Variants in MIDN observed in about 807,000 individuals in gnomAD.
MIDN encodes midnolin.
Under a neutral mutation model 46.1 loss-of-function variants are expected in MIDN, and 26 were observed. The observed-to-expected ratio is 0.56, with a 90% CI of 0.41 to 0.78. The LOEUF is 0.78. Ranked by LOEUF, MIDN falls within the 30% of genes least tolerant of loss-of-function variation. MIDN has a pLI of 0.00. For synonymous variants in MIDN, 432 were observed against 343.3 expected (o/e 1.26, Z -2.86); for missense variants, 850 against 771.8 (o/e 1.10, Z -1.20).
chr19:1,254,508 T>C lies in MIDN; in HGVS notation c.825+30T>C, dbSNP rs975128502. On this transcript the variant is annotated intron_variant, in intron 6 of 8. Coordinates refer to ENST00000682408, the MANE Select transcript of MIDN (RefSeq NM_001388306.1). ...GCCTGGGGAAGGGAAGGGTGACCCT[T>C]GGTTGGAATCCAAAGGGTGGGCCGT... 3 of 1,537,100 alleles carry C rather than the reference T, an allele frequency of 2.0e-6. No homozygotes were observed. In the African/African-American group the frequency reaches 4.1e-5, roughly 21 times the overall value.
chr19:1,253,322 G>A (rs1415057022), intron 4 of MIDN, among the ~76,000 whole-genome samples: 6 of 152,076 alleles, frequency 3.9e-5, no homozygotes, highest in East Asian at 3.9e-4. Context: ...AGAAGGTTAC[G>A]CCAGCTACTG....
chr19:1,255,458 G>A lies in MIDN; in HGVS notation c.1022G>A (p.Arg341Gln), dbSNP rs143719550. The change falls in exon 8 of 9, where the codon CGG (arginine) becomes CAG (glutamine). Residue 341 changes from arginine (R) to glutamine (Q), a missense_variant. By Grantham distance (43) the Arg-to-Gln change is conservative. Coordinates refer to ENST00000682408, the MANE Select transcript of MIDN (RefSeq NM_001388306.1). ...CCCAACTGCCAAGACAGCAGCGGGCGGCCGCGGCGTGACATCGGCACCATC... is the reference window on the plus strand; with the variant it reads ...CCCAACTGCCAAGACAGCAGCGGGCAGCCGCGGCGTGACATCGGCACCATC... ...LHPNCQDSSG[R>Q]PRRDIGTILQ... 656 of 1,604,072 alleles carry A rather than the reference G, an allele frequency of 4.1e-4. 1 individual carries two copies. The highest frequency in any genetic ancestry group is 5.6e-4 in the Admixed American group (33 of 59,116).
Position 1,254,498 on chromosome 19 carries a change from G to A in MIDN, c.825+20G>A, listed in dbSNP as rs1373370324. 33 of 1,540,694 alleles carry A rather than the reference G, an allele frequency of 2.1e-5. No homozygotes were observed. Among genetic ancestry groups the A allele is most frequent in the Non-Finnish European group, 2.5e-5 (29 of 1,149,420 alleles). On this transcript the variant is annotated intron_variant, in intron 6 of 8. Transcript: ENST00000682408. ...CCGGAGGTGAGCCTGGGGAAGGGAAGGGTGACCCTTGGTTGGAATCCAAAG... is the reference window on the plus strand; with the variant it reads ...CCGGAGGTGAGCCTGGGGAAGGGAAAGGTGACCCTTGGTTGGAATCCAAAG...
rs981063345 is a variant in MIDN, at chr19:1,256,856, G to C, written c.1259-139G>C. 3.1e-6 allele frequency: 4 copies of C among 1,294,006 alleles called. No homozygotes were observed. In the African/African-American group the frequency reaches 6.0e-5, roughly 19 times the overall value. The allele number at this position is 1,294,006 out of a possible 1,614,324, so 80.2% of individuals were successfully genotyped here. On this transcript the variant is annotated intron_variant, in intron 8 of 8. Transcript: ENST00000682408. The stretch of plus-strand genomic sequence containing the variant: ...TGTGCCCGGCATGGTGGATGTCCTT[G>C]ACTGTTTCCTTTGCTGACCTCCCTC...
chr19:1,255,553 C>G lies in MIDN; in HGVS notation c.1117C>G (p.Leu373Val). The G allele has an allele frequency of 1.9e-6, 3 of 1,611,892 alleles. No individual in the cohort carries two copies. The East Asian group carries it at 6.7e-5, about 36-fold the overall frequency. ...GGGCATGCCCCCTTCGCTGGCCCAG[C>G]TCCGCTGCCACGCCCAGTGCTCCCC... ...YQGMPPSLAQ[L>V]RCHAQCSPAS... is the part of the protein sequence containing the mutation. Residue 373 changes from leucine to valine, a missense_variant, in exon 8 of 9, where the codon CTC becomes GTC. Coordinates refer to ENST00000682408, the MANE Select transcript of MIDN (RefSeq NM_001388306.1).
intron 6 of MIDN, 99 bp from the exon 7 acceptor site, chr19:1,254,803 C>T (rs1461411325): frequency 2.2e-6 from 3 of 1,366,688 alleles, no homozygotes; most frequent in African/African-American, 1.5e-5. Flanking sequence ...GTTGACAGGT[C>T]ATCTCCTGAC....
chr19:1,250,444 G>C lies in MIDN; in HGVS notation c.148G>C (p.Asp50His). Residue 50 changes from aspartate to histidine, a missense_variant, in exon 2 of 9, where the codon GAC becomes CAC. Coordinates refer to ENST00000682408, the MANE Select transcript of MIDN (RefSeq NM_001388306.1). ...GTRYDLAVPP[D>H]ETVEGLRKRL... is the part of the protein sequence containing the mutation. ...CCGCTACGACCTGGCCGTGCCGCCC[G>C]ACGAGACGGTGGAGGGGCTGCGCAA... is the stretch of plus-strand genomic sequence containing the variant. The C allele has an allele frequency of 3.6e-6, 5 of 1,388,782 alleles. No homozygotes were observed. The highest frequency in any genetic ancestry group is 3.8e-6 in the Non-Finnish European group (4 of 1,049,364). 86.0% of individuals were successfully genotyped at this position (1,388,782 alleles called of 1,614,324 possible). A position where few individuals can be genotyped will look rare whatever the true frequency, so the allele number is the denominator to read the frequency against.
At chr19:1,252,072 A>G (rs1055955021) in intron 4 of MIDN, among the ~76,000 whole-genome samples, 171 bp downstream of exon 4, 1 of 152,094 alleles carries the variant, frequency 6.6e-6, no homozygotes, top group African/African-American at 2.4e-5. Context: ...CTCTCCCCCA[A>G]GATTCACCAC....
In MIDN at chr19:1,250,434, C is replaced by G; in HGVS notation, c.138C>G (p.Ala46=). The G allele has an allele frequency of 1.4e-6, 2 of 1,380,404 alleles. No homozygotes were observed. The highest frequency in any genetic ancestry group is 3.0e-5 in the South Asian group (2 of 66,850). The allele number at this position is 1,380,404 out of a possible 1,614,324, so 85.5% of individuals were successfully genotyped here. Residue 46 remains alanine, a synonymous_variant, in exon 2 of 9, where the codon GCC becomes GCG. Coordinates refer to ENST00000682408, the MANE Select transcript of MIDN (RefSeq NM_001388306.1). ...HSTTGTRYDL[A]VPPDETVEGL... is the part of the protein sequence containing the mutation. ...CCACGGGCACCCGCTACGACCTGGC[C>G]GTGCCGCCCGACGAGACGGTGGAGG...
In MIDN at chr19:1,250,279, C is replaced by T; in HGVS notation, c.-18C>T. 2.1e-6 allele frequency: 2 copies of T among 958,916 alleles called. No homozygotes were observed. The allele number at this position is 958,916 out of a possible 1,614,324, so 59.4% of individuals were successfully genotyped here. A position where few individuals can be genotyped will look rare whatever the true frequency, so the allele number is the denominator to read the frequency against. On this transcript the variant is annotated 5_prime_UTR_variant, in exon 2 of 9. Transcript: ENST00000682408. ...TTGGCGGCGCCCGCCGCCCCCAGCC[C>T]CCCAGCGCGCGCCGGGGATGGAGCC...
chr19:1,257,586 T>G lies in MIDN; in HGVS notation c.*314T>G. On this transcript the variant is annotated 3_prime_UTR_variant, in exon 9 of 9. Coordinates refer to ENST00000682408, the MANE Select transcript of MIDN (RefSeq NM_001388306.1). ...GCCAGGTCGGTCCTCCCTGCCAACCTTCCCCAGCTCCAATATGTAGCAGTC... is the reference window on the plus strand; with the variant it reads ...GCCAGGTCGGTCCTCCCTGCCAACCGTCCCCAGCTCCAATATGTAGCAGTC... The G allele has an allele frequency of 3.2e-5, 10 of 312,316 alleles. No individual in the cohort carries two copies. Among genetic ancestry groups the G allele is most frequent in the Non-Finnish European group, 5.3e-5 (9 of 168,452 alleles). The allele number at this position is 312,316 out of a possible 1,614,324, so 19.3% of individuals were successfully genotyped here.
chr19:1,253,214 C>T (rs2081154636), intron 4 of MIDN, among the ~76,000 whole-genome samples: 1 of 151,538 alleles, frequency 6.6e-6, no homozygotes, highest in East Asian at 2.0e-4. Flanking sequence ...CAAAGGCTGT[C>T]TTGGGGCAGG....
intron 4 of MIDN, among the ~76,000 whole-genome samples, chr19:1,252,243 C>T (rs937074176): frequency 1.3e-5 from 2 of 152,250 alleles, no homozygotes; most frequent in African/African-American, 2.4e-5. Flanking sequence ...AGGAGCCCCC[C>T]TCCAGCCGCT....
In MIDN at chr19:1,256,640, C is replaced by T. The variant is rs542091445; in HGVS notation, c.1259-355C>T. On this transcript the variant is annotated intron_variant, in intron 8 of 8. Coordinates refer to ENST00000682408, the MANE Select transcript of MIDN (RefSeq NM_001388306.1). ...GAGCTGGAGAATTAGAAGCCAGCTG[C>T]GTAGCTGGGACTCCAGGCAAACACC... Among the ~76,000 whole-genome samples, 10 of 152,192 alleles carry T rather than the reference C, an allele frequency of 6.6e-5. No individual in the cohort carries two copies. In the South Asian group the frequency reaches 8.3e-4, roughly 13 times the overall value.
At chr19:1,252,760 C>A (rs1260218979) in intron 4 of MIDN, among the ~76,000 whole-genome samples, 2 of 152,256 alleles carry the variant, frequency 1.3e-5, no homozygotes, top group East Asian at 3.9e-4. Context: ...TCCGCTTTCC[C>A]AGCGGCATGT....
In MIDN at chr19:1,256,858, C is replaced by G. The variant is rs149580637; in HGVS notation, c.1259-137C>G. On this transcript the variant is annotated intron_variant, in intron 8 of 8. Transcript: ENST00000682408. ...TGCCCGGCATGGTGGATGTCCTTGA[C>G]TGTTTCCTTTGCTGACCTCCCTCCA... 5.6e-4 allele frequency: 732 copies of G among 1,306,670 alleles called. 3 individuals are homozygous for G. The African/African-American group carries it at 9.9e-3, about 18-fold the overall frequency. The allele number at this position is 1,306,670 out of a possible 1,614,324, so 80.9% of individuals were successfully genotyped here. A position where few individuals can be genotyped will look rare whatever the true frequency, so the allele number is the denominator to read the frequency against.
Position 1,258,792 on chromosome 19 carries a change from CAAAAAAAAAAG to C in MIDN, c.*1530_*1540del, listed in dbSNP as rs1285312311. 1 of 121,534 alleles carries C rather than the reference CAAAAAAAAAAG, an allele frequency of 8.2e-6. No individual in the cohort carries two copies. Among genetic ancestry groups the C allele is most frequent in the East Asian group, 2.3e-4 (1 of 4,390 alleles). 7.5% of individuals were successfully genotyped at this position (121,534 alleles called of 1,614,324 possible). Reference sequence around the variant, plus strand: ...GGGTTTTGTTTTGTTTTCATTTTTCCAAAAAAAAAAGAAAAAAAAATAGAAAAAAAAGGAGT... The same window carrying C: ...GGGTTTTGTTTTGTTTTCATTTTTCCAAAAAAAAATAGAAAAAAAAGGAGT... On this transcript the variant is annotated 3_prime_UTR_variant, in exon 9 of 9. Coordinates refer to ENST00000682408, the MANE Select transcript of MIDN (RefSeq NM_001388306.1).
At position 1,254,202 on chromosome 19, in the gene MIDN, A is replaced by G. The variant is rs1295726054; in HGVS notation, c.549A>G (p.Thr183=). 2.5e-6 allele frequency: 4 copies of G among 1,598,914 alleles called. No individual in the cohort carries two copies. The highest frequency in any genetic ancestry group is 2.7e-5 in the African/African-American group (2 of 74,748). Reference sequence around the variant, plus strand: ...TCCTGTCGGGCCGTTCGCCACTGACACTGGCCTTGCGTGTGGGCGACCACA... The same window carrying G: ...TCCTGTCGGGCCGTTCGCCACTGACGCTGGCCTTGCGTGTGGGCGACCACA... ...SDFLSGRSPL[T]LALRVGDHMM... The change falls in exon 6 of 9, where the codon ACA becomes ACG. Residue 183 remains threonine (T), a synonymous_variant. Coordinates refer to ENST00000682408, the MANE Select transcript of MIDN (RefSeq NM_001388306.1).
At chr19:1,253,770 C>T (rs1300097543) in intron 4 of MIDN, 184 bp from the exon 5 acceptor site, 14 of 320,316 alleles carry the variant, frequency 4.4e-5, no homozygotes, top group South Asian at 1.1e-4. Flanking sequence ...GAGCCCCTCC[C>T]GTATCCACAG....
Sources: allele counts gnomAD v4.1 joint callset (sites outside exome capture counted in the v4.1 genomes callset), GRCh38; gene constraint gnomAD v4.1.1; transcripts MANE v1.5; gene names NCBI Gene and HGNC (gene_info 2026-07-23, HGNC 2026-07-21).